ZNF236: variants seen among roughly 807,000 people sequenced by gnomAD.
ZNF236 encodes zinc finger protein 236.
A neutral mutation model predicts 191.2 loss-of-function variants in ZNF236; 50 were observed. The ratio of observed to expected loss-of-function variants is 0.26; its 90% CI spans 0.21 to 0.33. The LOEUF (loss-of-function observed/expected upper bound fraction) is 0.33, where lower values mean the gene tolerates loss of function less well. Ranked by LOEUF, ZNF236 falls within the 10% of genes least tolerant of loss-of-function variation. ZNF236 has a pLI of 1.00. For missense variants in ZNF236, 1,754 were observed against 2,374.5 expected, an observed-to-expected ratio of 0.74 and a Z score of 5.43; for synonymous variants, 907 against 928.8, an observed-to-expected ratio of 0.98 and a Z score of 0.43.
chr18:76,895,407 G>T, intron 10 of ZNF236, 122 bp downstream of exon 10: 2 of 1,346,658 alleles, frequency 1.5e-6, no homozygotes, highest in Non-Finnish European at 2.0e-6. Flanking sequence ...CACAAGTACT[G>T]CTCACAGGGA....
intron 26 of ZNF236, among the ~76,000 whole-genome samples, chr18:76,945,723 G>A (rs141698503): frequency 0.054 from 8,285 of 152,284 alleles, 732 homozygotes; most frequent in African/African-American, 0.19. Flanking sequence ...GGCAGAGGTT[G>A]CAGTGAGCTG....
chr18:76,859,601 G>A (rs1004412321), intron 3 of ZNF236, among the ~76,000 whole-genome samples: 7 of 152,072 alleles, frequency 4.6e-5, no homozygotes, highest in African/African-American at 1.7e-4. Context: ...CTTCATCTTT[G>A]ATCTTTAACC....
chr18:76,846,148 C>G (rs772127679), intron 1 of ZNF236, among the ~76,000 whole-genome samples: 1 of 151,948 alleles, frequency 6.6e-6, no homozygotes, highest in Non-Finnish European at 1.5e-5. Flanking sequence ...GAGACAGTCT[C>G]GCTATATTGC....
chr18:76,962,252 C>T (rs147150860), intron 30 of ZNF236, among the ~76,000 whole-genome samples: 1 of 152,138 alleles, frequency 6.6e-6, no homozygotes, highest in East Asian at 1.9e-4. Context: ...ATATGAAGAT[C>T]CAGTTTCATT....
chr18:76,845,045 G>A (rs1269749927), intron 1 of ZNF236, among the ~76,000 whole-genome samples: 1 of 152,172 alleles, frequency 6.6e-6, no homozygotes, highest in African/African-American at 2.4e-5. Context: ...ACAACTGTGA[G>A]ATAGGCTTTC....
chr18:76,969,089 C>G lies in ZNF236; in HGVS notation c.*750C>G. 1.5e-6 allele frequency: 1 copy of G among 648,426 alleles called. No individual in the cohort carries two copies. Among genetic ancestry groups the G allele is most frequent in the Non-Finnish European group, 1.9e-6 (1 of 521,498 alleles). 40.2% of individuals were successfully genotyped at this position (648,426 alleles called of 1,614,324 possible). A position where few individuals can be genotyped will look rare whatever the true frequency, so the allele number is the denominator to read the frequency against. On this transcript the variant is annotated 3_prime_UTR_variant, in exon 31 of 31. Coordinates refer to ENST00000320610, the MANE Select transcript of ZNF236 (RefSeq NM_001306089.2). ...GTTCAGGTCCAGGGTTACATAATTG[C>G]AGAAGCACAAGCCATACATCGCAGG...
At chr18:76,843,660 C>T (rs1199699981) in intron 1 of ZNF236, among the ~76,000 whole-genome samples, 1 of 151,198 alleles carries the variant, frequency 6.6e-6, no homozygotes, top group Non-Finnish European at 1.5e-5. Context: ...CCTGTAGTCC[C>T]AGCTACTCAG....
chr18:76,835,493 G>T (rs908094497), intron 1 of ZNF236, among the ~76,000 whole-genome samples: 4 of 148,472 alleles, frequency 2.7e-5, no homozygotes, highest in African/African-American at 1.0e-4. Context: ...CAAATTGAAA[G>T]ATCTTATATT....
chr18:76,905,063 G>A (rs1252487521), intron 12 of ZNF236, 92 bp from the exon 13 acceptor site: 2 of 1,294,424 alleles, frequency 1.5e-6, no homozygotes, highest in East Asian at 2.5e-5. Context: ...ATGTGATGAT[G>A]AAGTGAAGCG....
At position 76,875,793 on chromosome 18, in the gene ZNF236, C is replaced by G; in HGVS notation, c.840+129C>G. The G allele has an allele frequency of 1.9e-6, 2 of 1,050,014 alleles. No individual in the cohort carries two copies. Among genetic ancestry groups the G allele is most frequent in the Non-Finnish European group, 2.5e-6 (2 of 806,406 alleles). The allele number at this position is 1,050,014 out of a possible 1,614,324, so 65.0% of individuals were successfully genotyped here. ...AGATTGATTTTGTGCCGAGCAGACC[C>G]TGTTTTAAAAAATACATACGTGGGA... On this transcript the variant is annotated intron_variant, in intron 6 of 30. Transcript: ENST00000320610. This position sits in a 1 kb window ranked among gnomAD's most constrained non-coding sequence, Gnocchi z 4.3.
rs199679414 is a variant in ZNF236, at chr18:76,928,102, C to T, written c.4590C>T (p.Ile1530=). ...SGSPQEITLT[I]SELNTTSGSL... ...CTCCACAGGAAATTACCCTGACTAT[C>T]TCCGGTTAGTAAGTTATAATTTTAA... The change falls in exon 25 of 31, where the codon ATC becomes ATT. Residue 1530 remains isoleucine (I), a synonymous_variant. Transcript: ENST00000320610. 3.0e-4 allele frequency: 479 copies of T among 1,607,434 alleles called. 1 individual carries two copies. Among genetic ancestry groups the T allele is most frequent in the Admixed American group, 1.9e-3 (110 of 58,430 alleles).
chr18:76,929,186 G>A (rs1220635828), intron 25 of ZNF236, among the ~76,000 whole-genome samples: 4 of 151,730 alleles, frequency 2.6e-5, no homozygotes, highest in African/African-American at 9.7e-5. Flanking sequence ...TTTCAGGAAG[G>A]TGTCTTTATT....
intron 25 of ZNF236, among the ~76,000 whole-genome samples, chr18:76,930,915 G>A (rs1453765986): frequency 1.3e-5 from 2 of 152,104 alleles, no homozygotes; most frequent in Non-Finnish European, 2.9e-5. Context: ...GTCATTTAGG[G>A]AAATGCATTT....
chr18:76,950,154 A>G (rs755472144), intron 27 of ZNF236, among the ~76,000 whole-genome samples: 12 of 152,180 alleles, frequency 7.9e-5, no homozygotes, highest in Non-Finnish European at 1.6e-4. Context: ...TTCTTAAAAT[A>G]AGACAACAGT....
At chr18:76,833,648 AT>A (rs1324028226) in intron 1 of ZNF236, among the ~76,000 whole-genome samples, 1 of 151,924 alleles carries the variant, frequency 6.6e-6, no homozygotes, top group East Asian at 1.9e-4. Context: ...CTACAATTTT[AT>A]TTTTTTATAT....
At chr18:76,895,725 G>A (rs545769760) in intron 10 of ZNF236, among the ~76,000 whole-genome samples, 1 of 151,986 alleles carries the variant, frequency 6.6e-6, no homozygotes, top group African/African-American at 2.4e-5. Flanking sequence ...CACGGGTATG[G>A]CCCACAGTGC....
chr18:76,847,501 T>TG (rs1975726397), intron 1 of ZNF236, among the ~76,000 whole-genome samples: 1 of 152,126 alleles, frequency 6.6e-6, no homozygotes, highest in Non-Finnish European at 1.5e-5. Flanking sequence ...AGTCTCACTC[T>TG]TTCACCCAGG....
chr18:76,910,892 C>T, intron 16 of ZNF236, 81 bp downstream of exon 16: 2 of 1,519,134 alleles, frequency 1.3e-6, no homozygotes, highest in Non-Finnish European at 1.8e-6. Flanking sequence ...TTAAAAATTT[C>T]CTTAAGGGAA....
chr18:76,960,755 G>C lies in ZNF236; in HGVS notation c.5319G>C (p.Lys1773Asn). ...GTGCGCTGCAGGTGCACATGAAGAA[G>C]CACACGGGGGAGCGGCCCTACAAGT... ...QKSALQVHMK[K>N]HTGERPYKCA... Residue 1773 changes from lysine (K) to asparagine (N), a missense_variant, in exon 30 of 31, where the codon AAG becomes AAC. Physicochemically the swap from Lys to Asn is moderately conservative, Grantham distance 94. This residue lies in a region of ZNF236 where 606 missense variants were observed against 761.5 expected (regional missense o/e 0.80). Transcript: ENST00000320610. The surrounding 1 kb of genome is among the most constrained non-coding windows in gnomAD (Gnocchi z 4.4). 6.2e-7 allele frequency: 1 copy of C among 1,614,138 alleles called. No homozygotes were observed.
Sources: allele counts gnomAD v4.1 joint callset (sites outside exome capture counted in the v4.1 genomes callset), GRCh38; gene constraint gnomAD v4.1.1; regional missense constraint gnomAD v4.1.1; non-coding constraint Gnocchi (gnomAD v3.1); transcripts MANE v1.5; gene names NCBI Gene and HGNC (gene_info 2026-07-23, HGNC 2026-07-21).